ACADL: variants seen among roughly 807,000 people sequenced by gnomAD.
ACADL encodes the protein long-chain specific acyl-CoA dehydrogenase, mitochondrial.
ACADL carries 60 observed loss-of-function variants against 56.9 expected under a neutral mutation model. That is an observed-to-expected ratio of 1.05 (90% CI 0.86 to 1.31). The LOEUF (loss-of-function observed/expected upper bound fraction) is 1.31, where lower values mean the gene tolerates loss of function less well. Ranked by LOEUF, ACADL falls within the 50% of genes most tolerant of loss-of-function variation. The pLI, the probability that ACADL is intolerant of heterozygous loss-of-function variation, is 0.00. For synonymous variants in ACADL, 158 were observed against 179.7 expected, an observed-to-expected ratio of 0.88 and a Z score of 0.97; for missense variants, 484 against 525.5, an observed-to-expected ratio of 0.92 and a Z score of 0.77.
chr2:210,192,625 A>C (rs931387798), intron 10 of ACADL, among the ~76,000 whole-genome samples, 179 bp downstream of exon 10: 1 of 152,150 alleles, frequency 6.6e-6, no homozygotes, highest in Non-Finnish European at 1.5e-5. Context: ...ATAAAATCCT[A>C]GTAGGGAGTT....
In ACADL at chr2:210,225,283, CG is replaced by C; in HGVS notation, c.-21del. On this transcript the variant is annotated 5_prime_UTR_variant, in exon 1 of 11. Transcript: ENST00000233710. Reference sequence around the variant, plus strand: ...GGCCATGTCCGAAACACAGGGGCGGCGGGGCGACGGAGGCGACTCTGCGGCT... The same window carrying C: ...GGCCATGTCCGAAACACAGGGGCGGCGGGCGACGGAGGCGACTCTGCGGCT... 1.3e-6 allele frequency: 2 copies of C among 1,546,892 alleles called. No individual in the cohort carries two copies. The highest frequency in any genetic ancestry group is 1.4e-5 in the African/African-American group (1 of 72,858).
At chr2:210,192,095 CAAAT>C (rs957168676) in intron 10 of ACADL, among the ~76,000 whole-genome samples, 2 of 149,736 alleles carry the variant, frequency 1.3e-5, no homozygotes, top group African/African-American at 4.9e-5. Flanking sequence ...TAGAACAAAA[CAAAT>C]AATCAGATAT....
chr2:210,192,917 A>C, intron 9 of ACADL, 27 bp from the exon 10 acceptor site: 1 of 1,579,532 alleles, frequency 6.3e-7, no homozygotes, highest in Non-Finnish European at 8.7e-7. Context: ...AAAGGCAGAA[A>C]AGAAATGTTT....
intron 8 of ACADL, among the ~76,000 whole-genome samples, chr2:210,195,688 T>C (rs1468661736): frequency 6.6e-6 from 1 of 152,202 alleles, no homozygotes; most frequent in African/African-American, 2.4e-5. Flanking sequence ...GTACAGCCGT[T>C]GAAAACACCT....
At chr2:210,213,607 A>G (rs185780425) in intron 4 of ACADL, among the ~76,000 whole-genome samples, 30 of 152,342 alleles carry the variant, frequency 2.0e-4, no homozygotes, top group Non-Finnish European at 3.2e-4. Flanking sequence ...ATGAAATATT[A>G]AAAATGAAAA....
intron 8 of ACADL, among the ~76,000 whole-genome samples, chr2:210,201,282 A>G (rs1009792366): frequency 6.6e-6 from 1 of 152,086 alleles, no homozygotes; most frequent in Non-Finnish European, 1.5e-5. Flanking sequence ...GCCCTACTCA[A>G]TCTACAATGT....
At chr2:210,203,962 A>AT (rs1688842622) in intron 7 of ACADL, among the ~76,000 whole-genome samples, 1 of 152,210 alleles carries the variant, frequency 6.6e-6, no homozygotes, top group East Asian at 1.9e-4. Context: ...ATGACTCAAT[A>AT]TATCTGTGGA....
chr2:210,212,297 G>C (rs766898150), intron 4 of ACADL, among the ~76,000 whole-genome samples: 1 of 152,218 alleles, frequency 6.6e-6, no homozygotes, highest in South Asian at 2.1e-4. Flanking sequence ...TGAATTATCT[G>C]GATGAGCCCT....
Position 210,203,407 on chromosome 2 carries a change from C to T in ACADL, c.908G>A (p.Ser303Asn). 1 of 1,613,510 alleles carries T rather than the reference C, an allele frequency of 6.2e-7. No individual in the cohort carries two copies. Among genetic ancestry groups the T allele is most frequent in the Non-Finnish European group, 8.5e-7 (1 of 1,179,754 alleles). Residue 303 changes from serine to asparagine, a missense_variant, in exon 8 of 11, where the codon AGT becomes AAT. Transcript: ENST00000233710. ...CCTGGTTTCTTCAAACATGAATTCA[C>T]TAGCTGAAATTGCCACATCAGCAAT... Reference protein sequence around the residue: ...LLIADVAISASEFMFEETRNY... With the variant: ...LLIADVAISANEFMFEETRNY...
At chr2:210,217,142 A>G (rs1162689143) in intron 3 of ACADL, among the ~76,000 whole-genome samples, 1 of 152,152 alleles carries the variant, frequency 6.6e-6, no homozygotes, top group East Asian at 1.9e-4. Flanking sequence ...TATGTACCAT[A>G]ATTTACTTAT....
intron 9 of ACADL, among the ~76,000 whole-genome samples, chr2:210,193,721 G>T (rs1453302878): frequency 6.6e-6 from 1 of 151,688 alleles, no homozygotes; most frequent in Non-Finnish European, 1.5e-5. Context: ...GCCTAGGTTG[G>T]GATACAGTGG....
intron 8 of ACADL, among the ~76,000 whole-genome samples, chr2:210,197,249 C>G (rs2125709974): frequency 6.6e-6 from 1 of 152,228 alleles, no homozygotes; most frequent in East Asian, 1.9e-4. Context: ...TCGAATGATT[C>G]CAAAACTAAG....
chr2:210,222,799 G>A (rs1689199972), intron 1 of ACADL, among the ~76,000 whole-genome samples: 1 of 152,146 alleles, frequency 6.6e-6, no homozygotes, highest in African/African-American at 2.4e-5. Flanking sequence ...GACATGCAGG[G>A]GACCTTGACC....
At chr2:210,190,362 C>G (rs1688612529) in intron 10 of ACADL, among the ~76,000 whole-genome samples, 1 of 152,068 alleles carries the variant, frequency 6.6e-6, no homozygotes, top group Non-Finnish European at 1.5e-5. Flanking sequence ...CTACTGTAAG[C>G]CTACTTCAGC....
At chr2:210,212,906 C>T (rs894582967) in intron 4 of ACADL, among the ~76,000 whole-genome samples, 1 of 152,202 alleles carries the variant, frequency 6.6e-6, no homozygotes, top group African/African-American at 2.4e-5. Flanking sequence ...ACAACATTGT[C>T]CGTGGCTAAC....
At chr2:210,190,735 G>A (rs571497578) in intron 10 of ACADL, among the ~76,000 whole-genome samples, 1 of 152,144 alleles carries the variant, frequency 6.6e-6, no homozygotes, top group Non-Finnish European at 1.5e-5. Flanking sequence ...TAAAAAAGCA[G>A]AGAAAACACC....
chr2:210,190,953 G>C (rs1165137734), intron 10 of ACADL, among the ~76,000 whole-genome samples: 2 of 139,216 alleles, frequency 1.4e-5, no homozygotes, highest in East Asian at 2.2e-4. Context: ...GTCTCACTCT[G>C]TCGCCCAGGC....
Position 210,220,650 on chromosome 2 carries a change from G to A in ACADL, c.230C>T (p.Ser77Leu), listed in dbSNP as rs367611133. ...FFQEEVIPHH[S>L]EWEKAGEVSR... ...TAGAGGAAAATGTGCCACTTACTCT[G>A]AGTGATGAGGAATCACTTCTTCTTG... Residue 77 changes from serine (S) to leucine (L), a missense_variant, in exon 2 of 11, where the codon TCA becomes TTA. Transcript: ENST00000233710. 5.6e-6 allele frequency: 9 copies of A among 1,612,796 alleles called. No homozygotes were observed. Among genetic ancestry groups the A allele is most frequent in the Non-Finnish European group, 7.6e-6 (9 of 1,179,376 alleles).
intron 1 of ACADL, chr2:210,224,228 A>C (rs1240814190): frequency 2.0e-5 from 4 of 197,294 alleles, no homozygotes; most frequent in Non-Finnish European, 3.6e-5. Flanking sequence ...CTGTCTCAAA[A>C]AAAAAAAAAA....
Sources: gnomAD v4.1 joint callset for allele counts (sites outside exome capture counted in the v4.1 genomes callset) on GRCh38, gnomAD v4.1.1 for gene constraint, MANE v1.5 for transcripts, NCBI Gene and HGNC (gene_info 2026-07-23, HGNC 2026-07-21) for gene names.